The following PRKCB variants were observed in gnomAD, a reference collection of about 807,000 sequenced individuals.
PRKCB encodes the protein protein kinase C beta.
Under a neutral mutation model 81.5 loss-of-function variants are expected in PRKCB, and 13 were observed. That is an observed-to-expected ratio of 0.16 (90% CI 0.10 to 0.25). The LOEUF (loss-of-function observed/expected upper bound fraction) is 0.25, where lower values mean the gene tolerates loss of function less well. Among genes scored for constraint, PRKCB ranks in the 10% least tolerant of loss-of-function variants. The pLI, the probability that PRKCB is intolerant of heterozygous loss-of-function variation, is 1.00. For synonymous variants in PRKCB, 335 were observed against 321.4 expected (o/e 1.04, Z -0.45); for missense variants, 509 against 875.7 (o/e 0.58, Z 5.29).
At chr16:24,152,007 C>G (rs1285105339) in intron 9 of PRKCB, among the ~76,000 whole-genome samples, 1 of 151,932 alleles carries the variant, frequency 6.6e-6, no homozygotes, top group Non-Finnish European at 1.5e-5. Flanking sequence ...CTCCTTCTCT[C>G]GTTTTGGTTG....
At chr16:23,836,593 G>A (rs1962162906) in intron 1 of PRKCB, among the ~76,000 whole-genome samples, 2 of 151,040 alleles carry the variant, frequency 1.3e-5, no homozygotes, top group Middle Eastern at 7.2e-3. Flanking sequence ...GCTCTCAGGC[G>A]CCTCTAGAGC....
At chr16:24,209,481 A>G (rs1423670900) in intron 16 of PRKCB, among the ~76,000 whole-genome samples, 2 of 152,028 alleles carry the variant, frequency 1.3e-5, no homozygotes, top group South Asian at 4.2e-4. Context: ...AAGGAAAGCA[A>G]ATACTAAATT....
At chr16:23,929,873 G>A (rs1233490705) in intron 2 of PRKCB, among the ~76,000 whole-genome samples, 1 of 152,052 alleles carries the variant, frequency 6.6e-6, no homozygotes, top group East Asian at 1.9e-4. Flanking sequence ...AGAAGGAGAA[G>A]ATTTTGGGCA....
At chr16:24,206,517 G>A (rs768609737) in intron 16 of PRKCB, among the ~76,000 whole-genome samples, 75 of 152,186 alleles carry the variant, frequency 4.9e-4, no homozygotes, top group Non-Finnish European at 1.0e-3. Flanking sequence ...ACAGACAGCA[G>A]GGAGGAGCCT....
chr16:23,891,964 A>G (rs1219651149), intron 2 of PRKCB, among the ~76,000 whole-genome samples: 3 of 152,138 alleles, frequency 2.0e-5, no homozygotes, highest in Non-Finnish European at 2.9e-5. Context: ...CTTCTAGTGT[A>G]ATGTGTGAAA....
chr16:23,836,466 C>G, intron 1 of PRKCB, 118 bp downstream of exon 1: 1 of 1,393,720 alleles, frequency 7.2e-7, no homozygotes, highest in South Asian at 1.4e-5. Context: ...CCCCGCGTCT[C>G]CGGACTCCCG....
intron 5 of PRKCB, among the ~76,000 whole-genome samples, chr16:24,070,199 A>C (rs1000112484): frequency 5.5e-5 from 8 of 145,132 alleles, no homozygotes; most frequent in Non-Finnish European, 1.2e-4. Flanking sequence ...TCCAGGCTGG[A>C]GTGCAGTGGC....
chr16:23,927,488 T>C (rs1397272272), intron 2 of PRKCB, among the ~76,000 whole-genome samples: 1 of 152,042 alleles, frequency 6.6e-6, no homozygotes, highest in African/African-American at 2.4e-5. Flanking sequence ...CCTTTTCTTT[T>C]TTCTAAGCAT....
intron 7 of PRKCB, among the ~76,000 whole-genome samples, chr16:24,105,671 C>T (rs1476302988): frequency 2.6e-5 from 4 of 152,162 alleles, no homozygotes; most frequent in Admixed American, 2.0e-4. Flanking sequence ...ATGATGGTTT[C>T]CAGCTTTATC....
intron 3 of PRKCB, among the ~76,000 whole-genome samples, chr16:24,021,330 CCTTCCTTCCTTCCTTCCTTCCTT>C (rs1965396097): frequency 6.3e-5 from 4 of 63,330 alleles, no homozygotes; most frequent in East Asian, 4.9e-4. Context: ...TTCCTTCCTT[CCTTCCTTCCTTCCTTCCTTCCTT>C]CCTCCTTCCC....
intron 2 of PRKCB, among the ~76,000 whole-genome samples, chr16:23,838,325 G>C (rs1299141985): frequency 6.6e-6 from 1 of 152,200 alleles, no homozygotes; most frequent in Non-Finnish European, 1.5e-5. Context: ...GAGAGCCGTC[G>C]TCGTAGATGG....
chr16:24,122,514 C>T, intron 8 of PRKCB, among the ~76,000 whole-genome samples: 1 of 138,324 alleles, frequency 7.2e-6, no homozygotes, highest in African/African-American at 2.8e-5. Context: ...GGCTGGTGGG[C>T]AGTGGTGTGA....
chr16:24,027,702 G>A (rs954232827), intron 3 of PRKCB, among the ~76,000 whole-genome samples: 1 of 152,178 alleles, frequency 6.6e-6, no homozygotes. Context: ...AGAAGCAACC[G>A]AAGTCTGCAG....
intron 3 of PRKCB, among the ~76,000 whole-genome samples, chr16:24,021,038 TTCTC>T (rs766018675): frequency 2.3e-4 from 19 of 82,166 alleles, no homozygotes; most frequent in African/African-American, 7.7e-4. Flanking sequence ...CTTTCTTTCT[TTCTC>T]TTTCTTTCTT....
At chr16:23,911,273 A>G (rs778637102) in intron 2 of PRKCB, among the ~76,000 whole-genome samples, 2 of 151,554 alleles carry the variant, frequency 1.3e-5, no homozygotes, top group Non-Finnish European at 2.9e-5. Context: ...GACTACAGGC[A>G]TGTGCCACTA....
At chr16:23,950,632 G>A (rs776452717) in intron 2 of PRKCB, among the ~76,000 whole-genome samples, 12 of 152,278 alleles carry the variant, frequency 7.9e-5, no homozygotes, top group African/African-American at 2.2e-4. Context: ...GTAAACCCAC[G>A]TGTTGGCTGT....
In PRKCB at chr16:23,878,568, G is replaced by A. The variant is rs534492449; in HGVS notation, c.205+41162G>A. ...GAGAATGCTTGTTTACAGCATGAGA[G>A]CTGAAGTCTGAAGGTAGAACATGGT... On this transcript the variant is annotated intron_variant, in intron 2 of 16. Transcript: ENST00000643927. Among the ~76,000 whole-genome samples the A allele has an allele frequency of 8.1e-4, 124 of 152,274 alleles. 2 individuals carry two copies. Among genetic ancestry groups the A allele is most frequent in the African/African-American group, 2.9e-3 (120 of 41,556 alleles).
chr16:23,934,364 T>C (rs1036627922), intron 2 of PRKCB, among the ~76,000 whole-genome samples: 3 of 151,926 alleles, frequency 2.0e-5, no homozygotes, highest in Non-Finnish European at 4.4e-5. Context: ...TTTTCCCTTA[T>C]TTTATTCCCT....
chr16:23,909,702 G>A (rs1018413487), intron 2 of PRKCB, among the ~76,000 whole-genome samples: 3 of 152,156 alleles, frequency 2.0e-5, no homozygotes, highest in Non-Finnish European at 4.4e-5. Flanking sequence ...AGAACATGCG[G>A]TATTTGGCTT....
Sources: gnomAD v4.1 joint callset for allele counts (sites outside exome capture counted in the v4.1 genomes callset) on GRCh38, gnomAD v4.1.1 for gene constraint, MANE v1.5 for transcripts, NCBI Gene and HGNC (gene_info 2026-07-23, HGNC 2026-07-21) for gene names.